The following LAMP1 variants were observed in gnomAD, a reference collection of about 807,000 sequenced individuals.
The protein encoded by LAMP1 is lysosome associated membrane protein 1, also known as lysosome-associated membrane glycoprotein 1.
Under a neutral mutation model 37.5 loss-of-function variants are expected in LAMP1, and 7 were observed. The observed-to-expected ratio is 0.19, with a 90% CI of 0.11 to 0.35. The LOEUF (loss-of-function observed/expected upper bound fraction) is 0.35, where lower values mean the gene tolerates loss of function less well. Ranked by LOEUF, LAMP1 falls within the 10% of genes least tolerant of loss-of-function variation. The pLI is 1.00. For synonymous variants in LAMP1, 236 were observed against 229.1 expected, an observed-to-expected ratio of 1.03 and a Z score of -0.27; for missense variants, 537 against 552.8, an observed-to-expected ratio of 0.97 and a Z score of 0.29.
chr13:113,319,442 C>A (rs1200548211), intron 4 of LAMP1, 27 bp from the exon 5 acceptor site: 1 of 1,570,036 alleles, frequency 6.4e-7, no homozygotes, highest in Admixed American at 1.8e-5. Context: ...AAACCCAGAC[C>A]TGAATCTCCC....
At position 113,319,511 on chromosome 13, in the gene LAMP1, C is replaced by T. The variant is rs902883427; in HGVS notation, c.605C>T (p.Pro202Leu). 1.2e-5 allele frequency: 19 copies of T among 1,613,760 alleles called. No individual in the cohort carries two copies. The highest frequency in any genetic ancestry group is 1.6e-5 in the Non-Finnish European group (19 of 1,179,952). The change falls in exon 5 of 9, where the codon CCC becomes CTC. Residue 202 changes from proline (P) to leucine (L), a missense_variant. Coordinates refer to ENST00000332556, the MANE Select transcript of LAMP1 (RefSeq NM_005561.4). The stretch of plus-strand genomic sequence containing the variant: ...GACAGGCCTTCCCCAACCACAGCGC[C>T]CCCTGCGCCACCCAGCCCCTCGCCC... ...EQDRPSPTTA[P>L]PAPPSPSPSP...
intron 2 of LAMP1, 117 bp from the exon 3 acceptor site, chr13:113,309,526 T>A: frequency 1.3e-6 from 1 of 748,406 alleles, no homozygotes; most frequent in Non-Finnish European, 2.2e-6. Context: ...ACCTCAGTAG[T>A]GATATCTTAG....
chr13:113,297,508 A>AGGCGGGGCCTGGGAGC lies in LAMP1; in HGVS notation c.61+20_61+35dup, dbSNP rs1238961474. On this transcript the variant is annotated intron_variant, in intron 1 of 8. Coordinates refer to ENST00000332556, the MANE Select transcript of LAMP1 (RefSeq NM_005561.4). The surrounding 1 kb of genome is among the most constrained non-coding windows in gnomAD (Gnocchi z 4.4). ...TTGCTGCTGCTCGGTGAGGGGGTCG[A>AGGCGGGGCCTGGGAGC]GGCGGGGCCTGGGAGCGGCGGGACC... is the stretch of plus-strand genomic sequence containing the variant. 3 of 1,240,182 alleles carry AGGCGGGGCCTGGGAGC rather than the reference A, an allele frequency of 2.4e-6. No homozygotes were observed. The highest frequency in any genetic ancestry group is 3.0e-6 in the Non-Finnish European group (3 of 992,092). 76.8% of individuals were successfully genotyped at this position (1,240,182 alleles called of 1,614,324 possible). A position where few individuals can be genotyped will look rare whatever the true frequency, so the allele number is the denominator to read the frequency against.
At chr13:113,317,257 C>T (rs892179785) in intron 4 of LAMP1, among the ~76,000 whole-genome samples, 1 of 152,148 alleles carries the variant, frequency 6.6e-6, no homozygotes, top group Non-Finnish European at 1.5e-5. Context: ...CCCCGGGCAG[C>T]GCAGGGCACT....
At chr13:113,298,664 T>C (rs555222293) in intron 1 of LAMP1, among the ~76,000 whole-genome samples, 1 of 152,362 alleles carries the variant, frequency 6.6e-6, no homozygotes, top group East Asian at 1.9e-4. Context: ...ACTGCCTGAA[T>C]AGCCACAGAG....
chr13:113,321,805 C>T lies in LAMP1; in HGVS notation c.1114+78C>T, dbSNP rs2042702161. On this transcript the variant is annotated intron_variant, in intron 8 of 8. Transcript: ENST00000332556. The surrounding 1 kb of genome is among the most constrained non-coding windows in gnomAD (Gnocchi z 5.6). ...TCCGCCTGTGGACGTTTAGTCGCTTCCGTGTGGGCTGGGGCGACGCCCCTG... is the reference window on the plus strand; with the variant it reads ...TCCGCCTGTGGACGTTTAGTCGCTTTCGTGTGGGCTGGGGCGACGCCCCTG... The T allele has an allele frequency of 6.9e-7, 1 of 1,443,918 alleles. No individual in the cohort carries two copies. The highest frequency in any genetic ancestry group is 9.6e-7 in the Non-Finnish European group (1 of 1,044,964). The allele number at this position is 1,443,918 out of a possible 1,614,324, so 89.4% of individuals were successfully genotyped here.
chr13:113,297,612 C>T lies in LAMP1; in HGVS notation c.61+117C>T, dbSNP rs2042549749. On this transcript the variant is annotated intron_variant, in intron 1 of 8. Transcript: ENST00000332556. This position sits in a 1 kb window ranked among gnomAD's most constrained non-coding sequence, Gnocchi z 4.4. ...CCCGCGGGTCGCCCCGCACCCACTG[C>T]TCCTGGTCCCGGCCGGCTCTGCCCG... 3.1e-6 allele frequency: 3 copies of T among 965,280 alleles called. No homozygotes were observed. The highest frequency in any genetic ancestry group is 2.6e-6 in the Non-Finnish European group (2 of 764,850). The allele number at this position is 965,280 out of a possible 1,614,324, so 59.8% of individuals were successfully genotyped here.
At chr13:113,314,885 G>A (rs551479361) in intron 4 of LAMP1, among the ~76,000 whole-genome samples, 124 of 123,096 alleles carry the variant, frequency 1.0e-3, no homozygotes, top group African/African-American at 2.8e-3. Flanking sequence ...TGCCTGGGGC[G>A]TGGCCTCCTA....
intron 1 of LAMP1, chr13:113,305,072 A>T (rs1414231865): frequency 6.6e-6 from 1 of 152,164 alleles, no homozygotes; most frequent in Non-Finnish European, 1.5e-5. Context: ...TGCTGTAAAG[A>T]TTTTATTTTG....
At chr13:113,299,388 C>T (rs2042558821) in intron 1 of LAMP1, among the ~76,000 whole-genome samples, 1 of 150,586 alleles carries the variant, frequency 6.6e-6, no homozygotes, top group Non-Finnish European at 1.5e-5. Flanking sequence ...CCTCAGCTTC[C>T]TGAGTAGCTG....
In LAMP1 at chr13:113,319,620, G is replaced by C. The variant is rs2042686334; in HGVS notation, c.714G>C (p.Leu238=). 3 of 1,613,746 alleles carry C rather than the reference G, an allele frequency of 1.9e-6. No individual in the cohort carries two copies. The African/African-American group carries it at 4.0e-5, about 22-fold the overall frequency. Reference sequence around the variant, plus strand: ...CCTGCCTGCTGGCCAGCATGGGGCTGCAGCTGAACCTCACCTATGAGAGGA... The same window carrying C: ...CCTGCCTGCTGGCCAGCATGGGGCTCCAGCTGAACCTCACCTATGAGAGGA... The part of the protein sequence containing the change: ...NGTCLLASMG[L]QLNLTYERKD... The change falls in exon 5 of 9, where the codon CTG becomes CTC. Residue 238 remains leucine (L), a synonymous_variant. Coordinates refer to ENST00000332556, the MANE Select transcript of LAMP1 (RefSeq NM_005561.4).
chr13:113,311,103 G>A (rs977011810), intron 4 of LAMP1, among the ~76,000 whole-genome samples: 5 of 152,128 alleles, frequency 3.3e-5, no homozygotes, highest in East Asian at 1.9e-4. Flanking sequence ...GAAATATCCC[G>A]GGACAGAGAC....
intron 1 of LAMP1, among the ~76,000 whole-genome samples, chr13:113,303,934 AAGT>A (rs971406766): frequency 6.6e-6 from 1 of 152,002 alleles, no homozygotes; most frequent in Non-Finnish European, 1.5e-5. Flanking sequence ...AAAATACAAA[AAGT>A]AGCCAGACAT....
intron 1 of LAMP1, among the ~76,000 whole-genome samples, chr13:113,302,673 C>T (rs559582194): frequency 3.3e-5 from 5 of 151,970 alleles, no homozygotes; most frequent in South Asian, 2.1e-4. Flanking sequence ...AGCAGTCCTC[C>T]GCTTCCTCAG....
Position 113,321,829 on chromosome 13 carries a change from T to A in LAMP1, c.1114+102T>A. On this transcript the variant is annotated intron_variant, in intron 8 of 8. Coordinates refer to ENST00000332556, the MANE Select transcript of LAMP1 (RefSeq NM_005561.4). The surrounding 1 kb of genome is among the most constrained non-coding windows in gnomAD (Gnocchi z 5.6). ...TCCGTGTGGGCTGGGGCGACGCCCC[T>A]GTTCCTCTGCAAGGAGCTGTTTCTT... is the stretch of plus-strand genomic sequence containing the variant. 1.7e-6 allele frequency: 2 copies of A among 1,165,650 alleles called. No homozygotes were observed. The highest frequency in any genetic ancestry group is 1.2e-6 in the Non-Finnish European group (1 of 815,588). 72.2% of individuals were successfully genotyped at this position (1,165,650 alleles called of 1,614,324 possible).
intron 4 of LAMP1, among the ~76,000 whole-genome samples, 163 bp from the exon 5 acceptor site, chr13:113,319,306 G>A (rs557748512): frequency 6.6e-5 from 10 of 152,370 alleles, no homozygotes; most frequent in South Asian, 2.1e-4. Context: ...TTTCCTGCGC[G>A]TCTAGAAAGG....
chr13:113,315,955 T>C (rs2042661291), intron 4 of LAMP1, among the ~76,000 whole-genome samples: 1 of 151,896 alleles, frequency 6.6e-6, no homozygotes, highest in African/African-American at 2.4e-5. Flanking sequence ...ATATAAAAAT[T>C]AGTCGGGCGT....
intron 3 of LAMP1, among the ~76,000 whole-genome samples, chr13:113,310,277 C>T (rs1036519239): frequency 2.0e-5 from 3 of 151,376 alleles, no homozygotes; most frequent in Non-Finnish European, 4.4e-5. Context: ...CCTGTAATCC[C>T]AGCACTTTGG....
chr13:113,320,314 G>A lies in LAMP1; in HGVS notation c.751-31G>A. The A allele has an allele frequency of 6.2e-7, 1 of 1,613,602 alleles. No individual in the cohort carries two copies. Among genetic ancestry groups the A allele is most frequent in the Non-Finnish European group, 8.5e-7 (1 of 1,179,816 alleles). On this transcript the variant is annotated intron_variant, in intron 5 of 8. Transcript: ENST00000332556. The surrounding 1 kb of genome is among the most constrained non-coding windows in gnomAD (Gnocchi z 4.4). ...TCGAGAGTGTGGAGGACCTGAGCTA[G>A]GGTGGTGACTTGCTTGCTTGTCTTA...
Sources: allele counts gnomAD v4.1 joint callset (sites outside exome capture counted in the v4.1 genomes callset), GRCh38; gene constraint gnomAD v4.1.1; non-coding constraint Gnocchi (gnomAD v3.1); transcripts MANE v1.5; gene names NCBI Gene and HGNC (gene_info 2026-07-23, HGNC 2026-07-21).